The following RNF217 variants were observed in gnomAD, a reference collection of about 807,000 sequenced individuals.
The protein encoded by RNF217 is ring finger protein 217.
In RNF217, 31 loss-of-function variants were observed where a neutral mutation model predicts 57.8. The observed-to-expected ratio is 0.54, with a 90% CI of 0.40 to 0.72. RNF217 has a LOEUF of 0.72. RNF217 is among the 30% of genes least tolerant of loss of function. The pLI is 0.00. For synonymous variants in RNF217, 313 were observed against 294.0 expected (o/e 1.06, Z -0.66); for missense variants, 696 against 708.3 (o/e 0.98, Z 0.20).
At chr6:124,994,414 AAAT>A (rs1424032152) in intron 1 of RNF217, among the ~76,000 whole-genome samples, 5 of 152,206 alleles carry the variant, frequency 3.3e-5, no homozygotes, top group Non-Finnish European at 5.9e-5. Flanking sequence ...AATTACACCT[AAAT>A]AATAATCATT....
rs557558665 is a variant in RNF217, at chr6:125,052,326, A to ATTTGTTTTGTTTTGT, written c.1117-5601_1117-5587dup. Among the ~76,000 whole-genome samples, 203 of 129,988 alleles carry ATTTGTTTTGTTTTGT rather than the reference A, an allele frequency of 1.6e-3. 6 individuals carry two copies. The South Asian group carries it at 0.016, about 10-fold the overall frequency. 85.3% of individuals were successfully genotyped at this position (129,988 alleles called of 152,430 possible). ...TGTGTGTGTGTGTGTGTGTGGTTTT[A>ATTTGTTTTGTTTTGT]TTTGTTTTGTTTTGTTTTGTTTTGT... On this transcript the variant is annotated intron_variant, in intron 2 of 5. Transcript: ENST00000521654.
intron 1 of RNF217, among the ~76,000 whole-genome samples, chr6:124,981,578 G>A (rs769955985): frequency 5.3e-5 from 8 of 152,114 alleles, no homozygotes; most frequent in Non-Finnish European, 7.4e-5. Context: ...CAGTGAATCT[G>A]CCTTTTTACA....
chr6:125,010,515 C>T (rs1785376863), intron 1 of RNF217, among the ~76,000 whole-genome samples: 1 of 152,118 alleles, frequency 6.6e-6, no homozygotes, highest in African/African-American at 2.4e-5. Flanking sequence ...TACCAATTTC[C>T]ACTTCTTCTG....
chr6:125,014,855 T>C (rs1025306029), intron 1 of RNF217, among the ~76,000 whole-genome samples: 2 of 152,186 alleles, frequency 1.3e-5, no homozygotes, highest in African/African-American at 4.8e-5. Flanking sequence ...TGTTAGGGAC[T>C]CAGTCATGCA....
In RNF217 at chr6:125,085,861, A is replaced by C. The variant is rs1385910671; in HGVS notation, c.*2924A>C. 6.6e-6 allele frequency: 1 copy of C among 151,620 alleles called. No homozygotes were observed. The highest frequency in any genetic ancestry group is 1.5e-5 in the Non-Finnish European group (1 of 67,742). 9.4% of individuals were successfully genotyped at this position (151,620 alleles called of 1,614,324 possible). Reference sequence around the variant, plus strand: ...AGAAAAATATTCTTACTGTGCTGTGACTCTTTGTCATTTTATTATATATTA... The same window carrying C: ...AGAAAAATATTCTTACTGTGCTGTGCCTCTTTGTCATTTTATTATATATTA... On this transcript the variant is annotated 3_prime_UTR_variant, in exon 6 of 6. Coordinates refer to ENST00000521654, the MANE Select transcript of RNF217 (RefSeq NM_001286398.3).
intron 1 of RNF217, among the ~76,000 whole-genome samples, chr6:125,022,671 G>A (rs1442976866): frequency 6.6e-6 from 1 of 152,174 alleles, no homozygotes; most frequent in Non-Finnish European, 1.5e-5. Context: ...CAATTTGGCT[G>A]TCATCTCTCC....
chr6:124,995,601 C>G (rs1784717124), intron 1 of RNF217, among the ~76,000 whole-genome samples: 1 of 151,958 alleles, frequency 6.6e-6, no homozygotes, highest in Non-Finnish European at 1.5e-5. Context: ...TGAATATAAC[C>G]CGATTTACTT....
At chr6:124,981,985 GCCGCTGCACT>G (rs1784186587) in intron 1 of RNF217, among the ~76,000 whole-genome samples, 1 of 137,814 alleles carries the variant, frequency 7.3e-6, no homozygotes, top group Non-Finnish European at 1.5e-5. Context: ...CCGAGATCGC[GCCGCTGCACT>G]CCATCCTGGC....
chr6:124,964,447 C>G (rs1302601099), intron 1 of RNF217, among the ~76,000 whole-genome samples: 1 of 152,044 alleles, frequency 6.6e-6, no homozygotes, highest in African/African-American at 2.4e-5. Context: ...GTCTTAGAGT[C>G]CCATATGTGG....
chr6:124,971,222 CTT>C (rs1037197836), intron 1 of RNF217: 14 of 152,364 alleles, frequency 9.2e-5, no homozygotes, highest in African/African-American at 3.4e-4. Context: ...ATAAGGTAAA[CTT>C]ATATTTTTCT....
intron 1 of RNF217, among the ~76,000 whole-genome samples, chr6:124,967,835 A>G (rs1278092496): frequency 6.6e-6 from 1 of 151,910 alleles, no homozygotes; most frequent in Non-Finnish European, 1.5e-5. Context: ...CTGGAGTGCA[A>G]TGGCTTCATC....
chr6:124,967,567 G>C (rs779338970), intron 1 of RNF217, among the ~76,000 whole-genome samples: 1 of 152,092 alleles, frequency 6.6e-6, no homozygotes, highest in Non-Finnish European at 1.5e-5. Context: ...ATATAACTTG[G>C]AATGTATACA....
chr6:125,070,230 C>T (rs1788084923), intron 3 of RNF217, among the ~76,000 whole-genome samples: 1 of 152,138 alleles, frequency 6.6e-6, no homozygotes, highest in African/African-American at 2.4e-5. Flanking sequence ...GTATATATAG[C>T]ATGTTTTCTT....
In RNF217 at chr6:125,091,359, T is replaced by C. The variant is rs1398083315; in HGVS notation, c.*8422T>C. On this transcript the variant is annotated 3_prime_UTR_variant, in exon 6 of 6. Coordinates refer to ENST00000521654, the MANE Select transcript of RNF217 (RefSeq NM_001286398.3). ...TTTTCACTTGACTTTATTTCTTATC[T>C]AAAGAGCCATATATTTTTTGTGAGT... 6.6e-6 allele frequency: 1 copy of C among 152,104 alleles called. No individual in the cohort carries two copies. The highest frequency in any genetic ancestry group is 1.5e-5 in the Non-Finnish European group (1 of 67,944). The allele number at this position is 152,104 out of a possible 1,614,324, so 9.4% of individuals were successfully genotyped here.
chr6:125,080,644 T>C (rs922975342), intron 4 of RNF217, among the ~76,000 whole-genome samples: 5 of 152,080 alleles, frequency 3.3e-5, no homozygotes, highest in African/African-American at 1.2e-4. Context: ...TAACCTCTTT[T>C]TTGTGCCTGT....
At chr6:124,972,365 C>G (rs978253236) in intron 1 of RNF217, among the ~76,000 whole-genome samples, 1 of 152,174 alleles carries the variant, frequency 6.6e-6, no homozygotes, top group Non-Finnish European at 1.5e-5. Flanking sequence ...CCTACTTGGT[C>G]CCAGTGATGC....
chr6:124,981,562 C>G (rs1784161927), intron 1 of RNF217, among the ~76,000 whole-genome samples: 1 of 152,146 alleles, frequency 6.6e-6, no homozygotes, highest in African/African-American at 2.4e-5. Context: ...ACAATTTAGT[C>G]TGGCTCAGTG....
In RNF217 at chr6:125,023,416, CA is replaced by C. The variant is rs369061175; in HGVS notation, c.883-21794del. On this transcript the variant is annotated intron_variant, in intron 1 of 5. Coordinates refer to ENST00000521654, the MANE Select transcript of RNF217 (RefSeq NM_001286398.3). ...ATTTTAATTAGTGGAGTTGTATGATCAGACTTGTGTTGTAAAAAGAGTGCTC... is the reference window on the plus strand; with the variant it reads ...ATTTTAATTAGTGGAGTTGTATGATCGACTTGTGTTGTAAAAAGAGTGCTC... 6.2e-3 allele frequency among the ~76,000 whole-genome samples: 943 copies of C among 152,218 alleles called. 9 individuals are homozygous for C. The highest frequency in any genetic ancestry group is 0.022 in the African/African-American group (908 of 41,528).
At chr6:125,034,073 T>C (rs1161862604) in intron 1 of RNF217, among the ~76,000 whole-genome samples, 1 of 152,092 alleles carries the variant, frequency 6.6e-6, no homozygotes, top group Non-Finnish European at 1.5e-5. Context: ...TTGTTTGAGT[T>C]CATTGTAGAT....
Sources: allele counts gnomAD v4.1 joint callset (sites outside exome capture counted in the v4.1 genomes callset), GRCh38; gene constraint gnomAD v4.1.1; transcripts MANE v1.5; gene names NCBI Gene and HGNC (gene_info 2026-07-23, HGNC 2026-07-21).